The following NOL11 variants were observed in gnomAD, a reference collection of about 807,000 sequenced individuals.
The protein encoded by NOL11 is nucleolar protein 11.
Under a neutral mutation model 93.0 loss-of-function variants are expected in NOL11, and 42 were observed. The observed-to-expected ratio is 0.45, with a 90% CI of 0.35 to 0.58. The LOEUF (loss-of-function observed/expected upper bound fraction) is 0.58. Among genes scored for constraint, NOL11 ranks in the 20% least tolerant of loss-of-function variants. The probability of loss-of-function intolerance (pLI) is 0.00; values close to 1 mark genes in which losing one functional copy is unlikely to be tolerated. For synonymous variants in NOL11, 296 were observed against 293.7 expected, an observed-to-expected ratio of 1.01 and a Z score of -0.08; for missense variants, 775 against 841.8, an observed-to-expected ratio of 0.92 and a Z score of 0.98.
chr17:67,728,063 A>G (rs1407841120), intron 7 of NOL11, among the ~76,000 whole-genome samples: 2 of 152,124 alleles, frequency 1.3e-5, no homozygotes, highest in Non-Finnish European at 2.9e-5. Context: ...GATCAAGACC[A>G]TCCTGGCTAA....
At chr17:67,719,555 G>C (rs1441645680) in intron 1 of NOL11, 119 bp from the exon 2 acceptor site, 1 of 577,776 alleles carries the variant, frequency 1.7e-6, no homozygotes, top group African/African-American at 1.9e-5. Context: ...CACTGCCCTC[G>C]GCCAGTAAAT....
Position 67,721,745 on chromosome 17 carries a change from G to T in NOL11, c.461+219G>T, listed in dbSNP as rs1416139232. Among the ~76,000 whole-genome samples the T allele has an allele frequency of 3.3e-5, 5 of 152,206 alleles. No individual in the cohort carries two copies. In the South Asian group the frequency reaches 1.0e-3, roughly 32 times the overall value. Reference sequence around the variant, plus strand: ...AAGTCTTGACAGAACTGGATACTTAGTTATTTGAGGATGAAATGTGTTATC... The same window carrying T: ...AAGTCTTGACAGAACTGGATACTTATTTATTTGAGGATGAAATGTGTTATC... On this transcript the variant is annotated intron_variant, in intron 4 of 17. Transcript: ENST00000253247.
At chr17:67,730,989 T>G (rs2055149404) in intron 7 of NOL11, among the ~76,000 whole-genome samples, 1 of 152,234 alleles carries the variant, frequency 6.6e-6, no homozygotes, top group African/African-American at 2.4e-5. Context: ...AGTACTTCAT[T>G]TCGGTTTTGA....
In NOL11 at chr17:67,721,432, C is replaced by A; in HGVS notation, c.367C>A (p.Leu123Ile). The change falls in exon 4 of 18, where the codon CTC (leucine) becomes ATC (isoleucine). Residue 123 changes from leucine (L) to isoleucine (I), a missense_variant. Leu to Ile is a conservative substitution (Grantham distance 5). Coordinates refer to ENST00000253247, the MANE Select transcript of NOL11 (RefSeq NM_015462.5). ...AGTGCAAGGGACAGAACCCTTGGTGCTCTTCAAGGAAGGTGCTGTTCGTGG... is the reference window on the plus strand; with the variant it reads ...AGTGCAAGGGACAGAACCCTTGGTGATCTTCAAGGAAGGTGCTGTTCGTGG... Reference protein sequence around the residue: ...LSVQGTEPLVLFKEGAVRGLE... With the variant: ...LSVQGTEPLVIFKEGAVRGLE... 1 of 1,613,216 alleles carries A rather than the reference C, an allele frequency of 6.2e-7. No homozygotes were observed. The highest frequency in any genetic ancestry group is 8.5e-7 in the Non-Finnish European group (1 of 1,179,254).
At chr17:67,721,885 C>G (rs771069612) in intron 4 of NOL11, among the ~76,000 whole-genome samples, 2 of 152,218 alleles carry the variant, frequency 1.3e-5, no homozygotes, top group Non-Finnish European at 2.9e-5. Context: ...ATTAAGACCT[C>G]TGCTTTCCCA....
At position 67,739,554 on chromosome 17, in the gene NOL11, T is replaced by C; in HGVS notation, c.1881T>C (p.Cys627=). The change falls in exon 16 of 18, where the codon TGT becomes TGC. Residue 627 remains cysteine, a synonymous_variant. Transcript: ENST00000253247. ...ATTTGTATTTCCTGTACCTGAAGTG[T>C]AGCGAAAATGCTACTATGACTCTTC... ...LKYLYFLYLK[C]SENATMTLPG... 5 of 1,601,158 alleles carry C rather than the reference T, an allele frequency of 3.1e-6. No individual in the cohort carries two copies. Among genetic ancestry groups the C allele is most frequent in the Non-Finnish European group, 4.3e-6 (5 of 1,176,008 alleles).
intron 5 of NOL11, 130 bp downstream of exon 5, chr17:67,722,767 C>T: frequency 8.0e-7 from 1 of 1,252,128 alleles, no homozygotes; most frequent in Non-Finnish European, 1.1e-6. Flanking sequence ...TCACTGCAGC[C>T]TCAACCTCCT....
In NOL11 at chr17:67,726,577, A is replaced by G. The variant is rs1346296530; in HGVS notation, c.782A>G (p.Asn261Ser). 6.2e-7 allele frequency: 1 copy of G among 1,614,142 alleles called. No individual in the cohort carries two copies. Among genetic ancestry groups the G allele is most frequent in the Admixed American group, 1.7e-5 (1 of 59,990 alleles). The change falls in exon 7 of 18, where the codon AAT becomes AGT. Residue 261 changes from asparagine to serine, a missense_variant. Asn to Ser is a conservative substitution (Grantham distance 46, BLOSUM62 1). This residue lies in a region of NOL11 where 359 missense variants were observed against 316.5 expected (regional missense o/e 1.13). Coordinates refer to ENST00000253247, the MANE Select transcript of NOL11 (RefSeq NM_015462.5). ...GCTGTTGTATCTGGTAACGCTCGAA[A>G]TGGAGTTGCACTCACTGCCCTGGAT... is the stretch of plus-strand genomic sequence containing the variant. Reference protein sequence around the residue: ...LKAVVSGNARNGVALTALDQD... With the variant: ...LKAVVSGNARSGVALTALDQD...
Position 67,740,333 on chromosome 17 carries a change from G to C in NOL11, c.1935+725G>C, listed in dbSNP as rs77124258. Among the ~76,000 whole-genome samples, 2,560 of 152,026 alleles carry C rather than the reference G, an allele frequency of 0.017. 201 individuals carry two copies. The East Asian group carries it at 0.26, about 15-fold the overall frequency. ...CTCTTTAAAAATAATACTTATGCTG[G>C]GTGCGGTGGCTCATGCCTGTAATCC... On this transcript the variant is annotated intron_variant, in intron 16 of 17. Coordinates refer to ENST00000253247, the MANE Select transcript of NOL11 (RefSeq NM_015462.5).
intron 8 of NOL11, among the ~76,000 whole-genome samples, chr17:67,734,796 A>T (rs1347951208): frequency 6.6e-6 from 1 of 152,232 alleles, no homozygotes; most frequent in Non-Finnish European, 1.5e-5. Flanking sequence ...CAGCCTGGAC[A>T]ACATAGTGTG....
rs781637935 is a variant in NOL11, at chr17:67,719,780, A to G, written c.248A>G (p.Asp83Gly). 4.4e-6 allele frequency: 7 copies of G among 1,592,438 alleles called. No homozygotes were observed. Among genetic ancestry groups the G allele is most frequent in the Non-Finnish European group, 5.1e-6 (6 of 1,166,130 alleles). Residue 83 changes from aspartate (D) to glycine (G), a missense_variant, in exon 2 of 18, where the codon GAT (aspartate) becomes GGT (glycine). By Grantham distance (94) the Asp-to-Gly change is moderately conservative. Coordinates refer to ENST00000253247, the MANE Select transcript of NOL11 (RefSeq NM_015462.5). The part of the protein sequence containing the change: ...FQTGEYVVVH[D>G]NKVLRIWNNE... ...ACTGGAGAGTATGTTGTTGTACACG[A>G]TAATAAGGTGAGTTTTAAAACTTTT...
At chr17:67,736,196 A>G (rs1029189180) in intron 9 of NOL11, among the ~76,000 whole-genome samples, 173 bp downstream of exon 9, 5 of 152,074 alleles carry the variant, frequency 3.3e-5, no homozygotes, top group African/African-American at 1.2e-4. Context: ...CTGTAATCCC[A>G]GCACTTAAGG....
chr17:67,729,179 C>CT (rs1168959046), intron 7 of NOL11, among the ~76,000 whole-genome samples: 11 of 152,090 alleles, frequency 7.2e-5, no homozygotes, highest in African/African-American at 2.7e-4. Context: ...ACTGCAACCT[C>CT]TGCCTCCCAG....
intron 5 of NOL11, among the ~76,000 whole-genome samples, chr17:67,723,370 A>ATTTTTTTTTTTTTTTTTTTTTTT (rs568396700): frequency 1.6e-5 from 1 of 60,704 alleles, no homozygotes; most frequent in African/African-American, 6.4e-5. Flanking sequence ...AAGATCTCTA[A>ATTTTTTTTTTTTTTTTTTTTTTT]TTTTTTTTTT....
At chr17:67,733,020 T>C (rs2055168659) in intron 7 of NOL11, among the ~76,000 whole-genome samples, 2 of 152,170 alleles carry the variant, frequency 1.3e-5, no homozygotes, top group Non-Finnish European at 2.9e-5. Flanking sequence ...TCGAGATCTC[T>C]ATACAGGATC....
Position 67,735,986 on chromosome 17 carries a change from A to C in NOL11, c.1017A>C (p.Ala339=). The C allele has an allele frequency of 6.2e-7, 1 of 1,610,626 alleles. No individual in the cohort carries two copies. Among genetic ancestry groups the C allele is most frequent in the Non-Finnish European group, 8.5e-7 (1 of 1,178,304 alleles). The part of the protein sequence containing the change: ...IPYKCEVSSL[A]GALGKLKHSQ... ...ACAAGTGTGAAGTGTCATCATTAGC[A>C]GGTGCTCTTGGAAAACTCAAGCATA... Residue 339 remains alanine (A), a synonymous_variant, in exon 9 of 18, where the codon GCA becomes GCC. Coordinates refer to ENST00000253247, the MANE Select transcript of NOL11 (RefSeq NM_015462.5).
chr17:67,726,491 A>G lies in NOL11; in HGVS notation c.696A>G (p.Ile232Met). The G allele has an allele frequency of 6.2e-7, 1 of 1,613,444 alleles. No homozygotes were observed. Among genetic ancestry groups the G allele is most frequent in the Non-Finnish European group, 8.5e-7 (1 of 1,179,820 alleles). Residue 232 changes from isoleucine (I) to methionine (M), a missense_variant, in exon 7 of 18, where the codon ATA becomes ATG. Ile to Met is a conservative substitution (Grantham distance 10, BLOSUM62 1). This residue lies in a region of NOL11 where 359 missense variants were observed against 316.5 expected (regional missense o/e 1.13). Transcript: ENST00000253247. ...SSDGCIYETL[I>M]PIRPADPEKN... ...ATGGTTGTATATATGAAACCTTGAT[A>G]CCAATACGTCCAGCTGACCCAGAAA...
At chr17:67,722,658 C>G in intron 5 of NOL11, 21 bp downstream of exon 5, 1 of 1,542,236 alleles carries the variant, frequency 6.5e-7, no homozygotes, top group Non-Finnish European at 8.6e-7. Context: ...TCTTCAATTC[C>G]TGGCCCATTT....
chr17:67,737,008 C>A, intron 10 of NOL11, 63 bp from the exon 11 acceptor site: 1 of 1,103,220 alleles, frequency 9.1e-7, no homozygotes, highest in South Asian at 1.3e-5. Flanking sequence ...TTTCATATCC[C>A]TCTAAATGTG....
Sources: gnomAD v4.1 joint callset for allele counts (sites outside exome capture counted in the v4.1 genomes callset) on GRCh38, gnomAD v4.1.1 for gene constraint, gnomAD v4.1.1 regional missense constraint, MANE v1.5 for transcripts, NCBI Gene and HGNC (gene_info 2026-07-23, HGNC 2026-07-21) for gene names.